The following FDFT1 variants were observed in gnomAD, a reference collection of about 807,000 sequenced individuals.
FDFT1 encodes the protein squalene synthase.
In FDFT1, 68 loss-of-function variants were observed where a neutral mutation model predicts 46.8. The ratio of observed to expected loss-of-function variants is 1.45; its 90% CI spans 1.19 to 1.78. FDFT1 has a LOEUF of 1.78. Among genes scored for constraint, FDFT1 ranks in the 40% most tolerant of loss-of-function variants. The pLI is 0.00. For synonymous variants in FDFT1, 351 were observed against 185.1 expected, an observed-to-expected ratio of 1.90 and a Z score of -7.28; for missense variants, 928 against 524.4, an observed-to-expected ratio of 1.77 and a Z score of -7.52.
intron 5 of FDFT1, among the ~76,000 whole-genome samples, chr8:11,828,799 A>G (rs960113210): frequency 2.0e-5 from 3 of 152,160 alleles, no homozygotes; most frequent in Non-Finnish European, 4.4e-5. Context: ...TTTTGCTAGC[A>G]TGTTTTCAGG....
rs1807290304 is a variant in FDFT1 at position 11,808,836 on chromosome 8, A to G, written c.142A>G (p.Asn48Asp). 6.2e-7 allele frequency: 1 copy of G among 1,613,978 alleles called. No individual in the cohort carries two copies. Among genetic ancestry groups the G allele is most frequent in the African/African-American group, 1.3e-5 (1 of 75,046 alleles). The change falls in exon 2 of 8, where the codon AAT becomes GAT. Residue 48 changes from asparagine (N) to aspartate (D), a missense_variant. Coordinates refer to ENST00000220584, the MANE Select transcript of FDFT1 (RefSeq NM_004462.5). ...SSLKTCYKYL[N>D]QTSRSFAAVI... ...CCTGAAAACTTGCTACAAGTATCTC[A>G]ATCAGACCAGTCGCAGTTTCGCAGC...
intron 4 of FDFT1, among the ~76,000 whole-genome samples, chr8:11,822,358 C>T (rs1054775576): frequency 1.3e-5 from 2 of 152,144 alleles, no homozygotes; most frequent in African/African-American, 4.8e-5. Context: ...TTAGGATCTC[C>T]GAAAAGATGC....
At chr8:11,798,279 C>CA (rs1385018258), upstream of FDFT1, 2 of 152,134 alleles carry the variant, frequency 1.3e-5, no homozygotes, top group Middle Eastern at 3.2e-3. Context: ...AGGCTGGTCT[C>CA]AAAGTCCTGA....
chr8:11,812,653 C>G (rs926884292), intron 3 of FDFT1, among the ~76,000 whole-genome samples: 6 of 152,312 alleles, frequency 3.9e-5, no homozygotes, highest in South Asian at 2.1e-4. Context: ...CTCGATTGAT[C>G]ATTTTTAAAT....
rs1204395161 is a variant in FDFT1, at chr8:11,838,619, T to C, written c.*10T>C. The stretch of plus-strand genomic sequence containing the variant: ...GACTGGAGAACACTGATCCCAAATT[T>C]GTCCATAGCTGAAGTCCACCATAAA... On this transcript the variant is annotated 3_prime_UTR_variant, in exon 8 of 8. Coordinates refer to ENST00000220584, the MANE Select transcript of FDFT1 (RefSeq NM_004462.5). The C allele has an allele frequency of 6.3e-7, 1 of 1,592,120 alleles. No homozygotes were observed. The highest frequency in any genetic ancestry group is 8.6e-7 in the Non-Finnish European group (1 of 1,160,018).
intron 3 of FDFT1, among the ~76,000 whole-genome samples, chr8:11,819,251 C>G (rs969256878): frequency 4.6e-5 from 7 of 152,168 alleles, no homozygotes; most frequent in Non-Finnish European, 8.8e-5. Flanking sequence ...TTGTGGGTAA[C>G]CCGACCTTTC....
chr8:11,825,686 CAAAAAA>C (rs5889388), intron 4 of FDFT1, among the ~76,000 whole-genome samples: 1 of 144,612 alleles, frequency 6.9e-6, no homozygotes, highest in Non-Finnish European at 1.5e-5. Context: ...GACTCCATCT[CAAAAAA>C]AAAATAAAAA....
At position 11,826,232 on chromosome 8, in the gene FDFT1, A is replaced by G; in HGVS notation, c.702+17A>G. ...CCTCAAGAGGTAACAGATTCAGGGT[A>G]TTTTGGGGGAAAATAACTTTAGACA... On this transcript the variant is annotated intron_variant, in intron 5 of 7. Transcript: ENST00000220584. 1 of 1,484,430 alleles carries G rather than the reference A, an allele frequency of 6.7e-7. No homozygotes were observed. The highest frequency in any genetic ancestry group is 9.1e-7 in the Non-Finnish European group (1 of 1,100,490). 92.0% of individuals were successfully genotyped at this position (1,484,430 alleles called of 1,614,324 possible).
chr8:11,796,999 G>C (rs1446359247), intron 1 of FDFT1, among the ~76,000 whole-genome samples: 1 of 152,238 alleles, frequency 6.6e-6, no homozygotes, highest in South Asian at 2.1e-4. Context: ...ATTGCACGCA[G>C]ATTAAAGGAC....
intron 5 of FDFT1, among the ~76,000 whole-genome samples, chr8:11,827,850 G>T (rs1404663653): frequency 1.3e-5 from 2 of 151,206 alleles, no homozygotes; most frequent in African/African-American, 4.9e-5. Context: ...GACCAGCCTG[G>T]ACAACGTAGT....
intron 7 of FDFT1, among the ~76,000 whole-genome samples, chr8:11,836,408 G>T (rs1811542428): frequency 6.6e-6 from 1 of 152,224 alleles, no homozygotes; most frequent in South Asian, 2.1e-4. Context: ...CTGCCCTTGG[G>T]CTTCTGACGA....
intron 1 of FDFT1, chr8:11,803,192 G>C: frequency 2.1e-6 from 3 of 1,410,970 alleles, no homozygotes; most frequent in African/African-American, 2.9e-5. Context: ...TGCGCTCCCC[G>C]TTTCGTCCCC....
chr8:11,812,218 C>T (rs777347210), intron 3 of FDFT1, among the ~76,000 whole-genome samples: 17 of 152,216 alleles, frequency 1.1e-4, no homozygotes, highest in African/African-American at 3.1e-4. Flanking sequence ...TTCTGTACCA[C>T]GTTCTGGACA....
At chr8:11,837,719 G>A (rs778842487) in intron 7 of FDFT1, among the ~76,000 whole-genome samples, 10 of 152,152 alleles carry the variant, frequency 6.6e-5, no homozygotes, top group African/African-American at 1.9e-4. Flanking sequence ...TGGTGACAGT[G>A]TAGAGCAGAC....
Position 11,831,658 on chromosome 8 carries a change from G to A in FDFT1, c.1020G>A (p.Gln340=). Reference sequence around the variant, plus strand: ...CAGCTGTCAAAGCCATCATATATCAGTATATGGAAGAGGTGGGTTTTTATT... The same window carrying A: ...CAGCTGTCAAAGCCATCATATATCAATATATGGAAGAGGTGGGTTTTTATT... ...NMPAVKAIIY[Q]YMEEIYHRIP... is the part of the protein sequence containing the mutation. The change falls in exon 7 of 8, where the codon CAG becomes CAA. Residue 340 remains glutamine (Q), a synonymous_variant. Transcript: ENST00000220584. The A allele has an allele frequency of 6.2e-7, 1 of 1,612,798 alleles. No homozygotes were observed. Among genetic ancestry groups the A allele is most frequent in the Non-Finnish European group, 8.5e-7 (1 of 1,178,858 alleles).
chr8:11,828,290 TC>T, intron 5 of FDFT1, among the ~76,000 whole-genome samples: 1 of 144,732 alleles, frequency 6.9e-6, no homozygotes, highest in Non-Finnish European at 1.6e-5. Flanking sequence ...AACCCTTGTC[TC>T]AAAACAAACA....
chr8:11,810,604 A>G (rs1807578418), intron 3 of FDFT1, among the ~76,000 whole-genome samples: 2 of 152,222 alleles, frequency 1.3e-5, no homozygotes, highest in East Asian at 1.9e-4. Flanking sequence ...AAAGTGGGTT[A>G]TAGTTAAAAT....
At position 11,838,574 on chromosome 8, in the gene FDFT1, G is replaced by T; in HGVS notation, c.1219G>T (p.Val407Leu). ...GCAGTACCTGACCACTCTCTCCCAG[G>T]TAACAGAAGACTATGTTCAGACTGG... The part of the protein sequence containing the change: ...SWQYLTTLSQ[V>L]TEDYVQTGEH The change falls in exon 8 of 8, where the codon GTA becomes TTA. Residue 407 changes from valine to leucine, a missense_variant. Val to Leu is a conservative substitution (Grantham distance 32, BLOSUM62 1). Coordinates refer to ENST00000220584, the MANE Select transcript of FDFT1 (RefSeq NM_004462.5). The T allele has an allele frequency of 6.2e-7, 1 of 1,614,036 alleles. No individual in the cohort carries two copies. The highest frequency in any genetic ancestry group is 1.1e-5 in the South Asian group (1 of 91,042).
intron 3 of FDFT1, among the ~76,000 whole-genome samples, chr8:11,813,304 C>G (rs1007490552): frequency 6.6e-6 from 1 of 152,124 alleles, no homozygotes; most frequent in African/African-American, 2.4e-5. Flanking sequence ...AGTAATAATA[C>G]AGCCTTATTT....
Sources: allele counts gnomAD v4.1 joint callset (sites outside exome capture counted in the v4.1 genomes callset), GRCh38; gene constraint gnomAD v4.1.1; transcripts MANE v1.5; gene names NCBI Gene and HGNC (gene_info 2026-07-23, HGNC 2026-07-21).